ERC2: variants seen among roughly 807,000 people sequenced by gnomAD.
The protein encoded by ERC2 is ERC protein 2.
A neutral mutation model predicts 114.8 loss-of-function variants in ERC2; 42 were observed. The ratio of observed to expected loss-of-function variants is 0.37; its 90% confidence interval spans 0.29 to 0.47. ERC2 has a LOEUF of 0.47. Among genes scored for constraint, ERC2 ranks in the 20% least tolerant of loss-of-function variants. The pLI is 0.99. For synonymous variants in ERC2, 454 were observed against 425.5 expected (o/e 1.07, Z -0.82); for missense variants, 939 against 1,150.7 (o/e 0.82, Z 2.66).
chr3:56,004,516 G>A (rs2072323779), intron 10 of ERC2, among the ~76,000 whole-genome samples: 1 of 151,974 alleles, frequency 6.6e-6, no homozygotes, highest in Non-Finnish European at 1.5e-5. Context: ...GTATAATAAA[G>A]GGTTAAAGTA....
rs78695865 is a variant in ERC2 at position 56,126,983 on chromosome 3, G to T, written c.1473+12526C>A. Reference sequence around the variant, plus strand: ...TCACCAAATTCAGTAAGGATGCAGGGTTACAAAATCAATATACAAAAATCA... The same window carrying T: ...TCACCAAATTCAGTAAGGATGCAGGTTTACAAAATCAATATACAAAAATCA... On this transcript the variant is annotated intron_variant, in intron 6 of 17. Transcript: ENST00000288221. Among the ~76,000 whole-genome samples the T allele has an allele frequency of 1.5e-3, 235 of 152,002 alleles. 9 individuals are homozygous for T. In the East Asian group the frequency reaches 0.041, roughly 26 times the overall value.
At chr3:55,759,981 CTTAACCT>C (rs1259482048) in intron 14 of ERC2, among the ~76,000 whole-genome samples, 8 of 152,158 alleles carry the variant, frequency 5.3e-5, no homozygotes, top group African/African-American at 1.7e-4. Flanking sequence ...TGCTATTGGG[CTTAACCT>C]TTTTTACTTA....
At chr3:55,729,842 A>AAAAAAAAAAAAC in intron 15 of ERC2, among the ~76,000 whole-genome samples, 1 of 135,904 alleles carries the variant, frequency 7.4e-6, no homozygotes, top group Non-Finnish European at 1.6e-5. Flanking sequence ...TATCGCAAAA[A>AAAAAAAAAAAAC]AAAAAAAAAA....
At chr3:56,326,330 T>G (rs2057359924) in intron 2 of ERC2, among the ~76,000 whole-genome samples, 1 of 152,160 alleles carries the variant, frequency 6.6e-6, no homozygotes, top group Non-Finnish European at 1.5e-5. Context: ...AGAAATGCCC[T>G]AAAGGAGCAG....
Position 56,173,527 on chromosome 3 carries a change from A to G in ERC2, c.1075-7T>C, listed in dbSNP as rs1322953226. Reference sequence around the variant, plus strand: ...GGCTTCTTCGGTGCAATTCCTGGGGAGGAACACGATAGAAATAAGCCTGAC... The same window carrying G: ...GGCTTCTTCGGTGCAATTCCTGGGGGGGAACACGATAGAAATAAGCCTGAC... On this transcript the variant is annotated splice_region_variant and splice_polypyrimidine_tract_variant and intron_variant, in intron 3 of 17. Coordinates refer to ENST00000288221, the MANE Select transcript of ERC2 (RefSeq NM_015576.3). The G allele has an allele frequency of 6.2e-7, 1 of 1,613,604 alleles. No homozygotes were observed. Among genetic ancestry groups the G allele is most frequent in the Non-Finnish European group, 8.5e-7 (1 of 1,179,630 alleles).
At position 55,922,932 on chromosome 3, in the gene ERC2, A is replaced by G. The variant is rs550857730; in HGVS notation, c.2403+27493T>C. On this transcript the variant is annotated intron_variant, in intron 13 of 17. Coordinates refer to ENST00000288221, the MANE Select transcript of ERC2 (RefSeq NM_015576.3). The stretch of plus-strand genomic sequence containing the variant: ...ATTGGAGGCCTGTGCATTGCCGGTG[A>G]AAAAGCAAAATGGTGTAGCTACTGT... Among the ~76,000 whole-genome samples the G allele has an allele frequency of 6.6e-5, 10 of 152,256 alleles. No individual in the cohort carries two copies. In the South Asian group the frequency reaches 2.1e-3, roughly 32 times the overall value.
chr3:56,156,883 G>A (rs540243547), intron 4 of ERC2, among the ~76,000 whole-genome samples: 63 of 152,070 alleles, frequency 4.1e-4, no homozygotes, highest in Admixed American at 4.1e-3. Context: ...GGAGGATTGG[G>A]GAACACAAAA....
chr3:56,170,613 T>TTTTTGAGGTTGTG (rs2082606749), intron 4 of ERC2, among the ~76,000 whole-genome samples: 1 of 149,488 alleles, frequency 6.7e-6, no homozygotes, highest in Non-Finnish European at 1.5e-5. Context: ...TTTTTTTTTT[T>TTTTTGAGGTTGTG]TGAGGTAGTG....
At chr3:56,216,251 A>G (rs2150136291) in intron 3 of ERC2, among the ~76,000 whole-genome samples, 1 of 152,322 alleles carries the variant, frequency 6.6e-6, no homozygotes, top group South Asian at 2.1e-4. Context: ...TGCTAGTAAG[A>G]CTAATAAAGA....
intron 14 of ERC2, among the ~76,000 whole-genome samples, chr3:55,757,888 T>C (rs1415241257): frequency 6.6e-6 from 1 of 152,100 alleles, no homozygotes; most frequent in Non-Finnish European, 1.5e-5. Flanking sequence ...GAGGCTCAGA[T>C]AATATTCCTC....
chr3:55,827,947 C>A (rs971862512), intron 14 of ERC2, among the ~76,000 whole-genome samples: 1 of 152,238 alleles, frequency 6.6e-6, no homozygotes, highest in Non-Finnish European at 1.5e-5. Context: ...CAGACAACAT[C>A]GCCTGTGTTC....
intron 3 of ERC2, among the ~76,000 whole-genome samples, chr3:56,233,116 C>T (rs2050734432): frequency 6.6e-6 from 1 of 152,184 alleles, no homozygotes; most frequent in Non-Finnish European, 1.5e-5. Context: ...ATGGGGTTTA[C>T]TGGCTGTTAA....
intron 1 of ERC2, among the ~76,000 whole-genome samples, chr3:56,445,944 T>G (rs1226772451): frequency 6.6e-6 from 1 of 152,188 alleles, no homozygotes; most frequent in African/African-American, 2.4e-5. Flanking sequence ...CTATCTTTTT[T>G]CTTTTTATAA....
intron 2 of ERC2, among the ~76,000 whole-genome samples, chr3:56,381,533 G>A (rs1335370820): frequency 6.6e-6 from 1 of 152,028 alleles, no homozygotes; most frequent in Non-Finnish European, 1.5e-5. Context: ...TCAAGGGTCA[G>A]TTGTAATTTA....
intron 15 of ERC2, among the ~76,000 whole-genome samples, chr3:55,700,449 C>G (rs778993422): frequency 1.4e-4 from 22 of 152,192 alleles, no homozygotes; most frequent in African/African-American, 5.3e-4. Flanking sequence ...TTAATTTCCT[C>G]AACTCTAAAA....
intron 5 of ERC2, among the ~76,000 whole-genome samples, chr3:56,141,249 C>G (rs1434306690): frequency 6.6e-6 from 1 of 152,162 alleles, no homozygotes; most frequent in Non-Finnish European, 1.5e-5. Flanking sequence ...TCGCTCCTCA[C>G]AACTAGAGCT....
intron 14 of ERC2, among the ~76,000 whole-genome samples, chr3:55,865,376 C>T (rs1007232553): frequency 6.6e-6 from 1 of 152,148 alleles, no homozygotes; most frequent in Non-Finnish European, 1.5e-5. Context: ...TTCAAACAGG[C>T]TGTATATAAA....
intron 9 of ERC2, among the ~76,000 whole-genome samples, chr3:56,007,559 A>T (rs2072594180): frequency 6.6e-6 from 1 of 152,100 alleles, no homozygotes; most frequent in Non-Finnish European, 1.5e-5. Flanking sequence ...TGTGGTCAGT[A>T]AATGCATGTT....
In ERC2 at chr3:56,083,880, A is replaced by G. The variant is rs548937567; in HGVS notation, c.1474-2896T>C. On this transcript the variant is annotated intron_variant, in intron 6 of 17. Coordinates refer to ENST00000288221, the MANE Select transcript of ERC2 (RefSeq NM_015576.3). ...TTAGAGATATCAAAATAACCGAACAAGAAGAGTTAAAAGGGTTTGTCTTAG... is the reference window on the plus strand; with the variant it reads ...TTAGAGATATCAAAATAACCGAACAGGAAGAGTTAAAAGGGTTTGTCTTAG... Among the ~76,000 whole-genome samples the G allele has an allele frequency of 2.0e-5, 3 of 152,294 alleles. No individual in the cohort carries two copies. In the South Asian group the frequency reaches 6.2e-4, roughly 32 times the overall value.
Sources: gnomAD v4.1 joint callset for allele counts (sites outside exome capture counted in the v4.1 genomes callset) on GRCh38, gnomAD v4.1.1 for gene constraint, MANE v1.5 for transcripts, NCBI Gene and HGNC (gene_info 2026-07-23, HGNC 2026-07-21) for gene names.